The following ST8SIA1 variants were observed in gnomAD, a reference collection of about 807,000 sequenced individuals.
ST8SIA1 encodes alpha-N-acetylneuraminide alpha-2,8-sialyltransferase.
A neutral mutation model predicts 35.9 loss-of-function variants in ST8SIA1; 16 were observed. The ratio of observed to expected loss-of-function variants is 0.45; its 90% CI spans 0.30 to 0.68. ST8SIA1 has a LOEUF of 0.68. Ranked by LOEUF, ST8SIA1 falls within the 30% of genes least tolerant of loss-of-function variation. The pLI is 0.09. For missense variants in ST8SIA1, 383 were observed against 453.6 expected, an observed-to-expected ratio of 0.84 and a Z score of 1.41; for synonymous variants, 170 against 169.6, an observed-to-expected ratio of 1.00 and a Z score of -0.02.
At chr12:22,208,688 A>G (rs1328605231) in intron 4 of ST8SIA1, among the ~76,000 whole-genome samples, 1 of 152,150 alleles carries the variant, frequency 6.6e-6, no homozygotes, top group Non-Finnish European at 1.5e-5. Flanking sequence ...ATTTTGGACA[A>G]AAGAATAACA....
chr12:22,201,590 C>A lies in ST8SIA1; in HGVS notation c.1033G>T (p.Asp345Tyr). The change falls in exon 5 of 5, where the codon GAC becomes TAC. Residue 345 changes from aspartate to tyrosine, a missense_variant. By Grantham distance (160) the Asp-to-Tyr change is radical. Coordinates refer to ENST00000396037, the MANE Select transcript of ST8SIA1 (RefSeq NM_003034.4). ...HKIGALRMQL[D>Y]PCEDTSLQPT... is the part of the protein sequence containing the mutation. ...TGGAGTGAGGTATCTTCACATGGGT[C>A]CAGCTGCATTCTCAGTGCACCGATT... 6.2e-7 allele frequency: 1 copy of A among 1,613,240 alleles called. No individual in the cohort carries two copies. The highest frequency in any genetic ancestry group is 8.5e-7 in the Non-Finnish European group (1 of 1,179,602).
Position 22,201,636 on chromosome 12 carries a change from G to C in ST8SIA1, c.987C>G (p.Leu329=), listed in dbSNP as rs113763889. 1.8e-5 allele frequency: 29 copies of C among 1,613,988 alleles called. No homozygotes were observed. In the African/African-American group the frequency reaches 1.9e-4, roughly 10 times the overall value. Residue 329 remains leucine, a synonymous_variant, in exon 5 of 5, where the codon CTC becomes CTG. Coordinates refer to ENST00000396037, the MANE Select transcript of ST8SIA1 (RefSeq NM_003034.4). ...SGFHAMPEEF[L]QLWYLHKIGA... ...CGATTTTATGAAGATACCAGAGTTG[G>C]AGAAATTCCTCGGGCATGGCATGGA... is the stretch of plus-strand genomic sequence containing the variant.
chr12:22,239,659 G>A (rs148568296), intron 4 of ST8SIA1, among the ~76,000 whole-genome samples: 2,036 of 152,202 alleles, frequency 0.013, 17 homozygotes, highest in Non-Finnish European at 0.019. Flanking sequence ...CTTTTTGTTT[G>A]ATTTTTGTCT....
chr12:22,214,139 G>A (rs722248), intron 4 of ST8SIA1, among the ~76,000 whole-genome samples: 35,829 of 151,940 alleles, frequency 0.24, 5,067 homozygotes, highest in East Asian at 0.48. Flanking sequence ...ACAAATTATC[G>A]CACTTAAATG....
At chr12:22,331,067 C>T (rs1179027359) in intron 1 of ST8SIA1, among the ~76,000 whole-genome samples, 3 of 152,192 alleles carry the variant, frequency 2.0e-5, no homozygotes, top group Non-Finnish European at 4.4e-5. Context: ...CGCAGTTTGA[C>T]AAGGTTCTTC....
intron 4 of ST8SIA1, among the ~76,000 whole-genome samples, chr12:22,245,938 C>T (rs1473379532): frequency 6.6e-6 from 1 of 152,162 alleles, no homozygotes; most frequent in Non-Finnish European, 1.5e-5. Context: ...GGTGGTGTGC[C>T]CAGGGAGGGC....
chr12:22,305,473 C>T (rs12372480), intron 1 of ST8SIA1, among the ~76,000 whole-genome samples: 12,860 of 151,462 alleles, frequency 0.085, 721 homozygotes, highest in Non-Finnish European at 0.13. Context: ...CTCCACTTCC[C>T]GGCTTCAAGC....
chr12:22,293,739 A>T (rs1866209564), intron 1 of ST8SIA1, among the ~76,000 whole-genome samples: 1 of 152,176 alleles, frequency 6.6e-6, no homozygotes, highest in South Asian at 2.1e-4. Context: ...TCAGTTTATA[A>T]ATTTTTTCTG....
intron 1 of ST8SIA1, among the ~76,000 whole-genome samples, chr12:22,309,226 C>G (rs1866420355): frequency 6.6e-6 from 1 of 152,126 alleles, no homozygotes; most frequent in African/African-American, 2.4e-5. Context: ...GACCTCCTCC[C>G]TCGCTAACTA....
chr12:22,219,967 G>A (rs1415036173), intron 4 of ST8SIA1, among the ~76,000 whole-genome samples: 1 of 152,144 alleles, frequency 6.6e-6, no homozygotes, highest in African/African-American at 2.4e-5. Context: ...GAGTACCAGA[G>A]TATCATAACA....
chr12:22,291,370 C>T (rs909237193), intron 1 of ST8SIA1, among the ~76,000 whole-genome samples: 4 of 152,154 alleles, frequency 2.6e-5, no homozygotes, highest in African/African-American at 9.7e-5. Flanking sequence ...GTGTCCCTTC[C>T]AAGAGATGAC....
intron 4 of ST8SIA1, among the ~76,000 whole-genome samples, chr12:22,245,925 G>C (rs917083958): frequency 2.6e-5 from 4 of 152,204 alleles, no homozygotes; most frequent in African/African-American, 9.7e-5. Context: ...GAGGTTTCTG[G>C]GGGGTGGTGT....
In ST8SIA1 at chr12:22,193,801, C is replaced by A. The variant is rs1398790346; in HGVS notation, c.*7751G>T. 6.6e-6 allele frequency: 1 copy of A among 152,146 alleles called. No homozygotes were observed. The highest frequency in any genetic ancestry group is 6.5e-5 in the Admixed American group (1 of 15,274). The allele number at this position is 152,146 out of a possible 1,614,324, so 9.4% of individuals were successfully genotyped here. ...GGTGATTTCAATTTTATAGTTTAATCTAAAATTTTTCCCAGAATTATTATA... is the reference window on the plus strand; with the variant it reads ...GGTGATTTCAATTTTATAGTTTAATATAAAATTTTTCCCAGAATTATTATA... On this transcript the variant is annotated 3_prime_UTR_variant, in exon 5 of 5. Coordinates refer to ENST00000396037, the MANE Select transcript of ST8SIA1 (RefSeq NM_003034.4).
intron 2 of ST8SIA1, among the ~76,000 whole-genome samples, chr12:22,280,342 G>A (rs1202740864): frequency 6.6e-6 from 1 of 152,066 alleles, no homozygotes; most frequent in South Asian, 2.1e-4. Context: ...CTCCTGCAGG[G>A]AAACACCCTG....
At chr12:22,222,901 T>C (rs1430656374) in intron 4 of ST8SIA1, among the ~76,000 whole-genome samples, 1 of 152,142 alleles carries the variant, frequency 6.6e-6, no homozygotes, top group African/African-American at 2.4e-5. Flanking sequence ...CTACCTCTAG[T>C]ATTTCATCAG....
chr12:22,248,726 A>C (rs1865631996), intron 4 of ST8SIA1: 1 of 300,788 alleles, frequency 3.3e-6, no homozygotes, highest in African/African-American at 2.2e-5. Context: ...AGTAATGAGT[A>C]AACAGAGTAT....
At chr12:22,208,149 A>AG (rs963192408) in intron 4 of ST8SIA1, among the ~76,000 whole-genome samples, 20 of 151,784 alleles carry the variant, frequency 1.3e-4, no homozygotes, top group African/African-American at 4.8e-4. Flanking sequence ...AAAAAAAAAA[A>AG]AAAGAAGCAA....
At chr12:22,205,542 G>C (rs1037485361) in intron 4 of ST8SIA1, among the ~76,000 whole-genome samples, 25 of 152,068 alleles carry the variant, frequency 1.6e-4, no homozygotes, top group African/African-American at 5.8e-4. Context: ...GAGATAGTTA[G>C]CTAACAATTT....
chr12:22,222,613 C>CATAT (rs754270561), intron 4 of ST8SIA1, among the ~76,000 whole-genome samples: 2 of 149,720 alleles, frequency 1.3e-5, no homozygotes, highest in African/African-American at 4.9e-5. Flanking sequence ...AGAAAAAGAC[C>CATAT]ATATATATAT....
Sources: allele counts gnomAD v4.1 joint callset (sites outside exome capture counted in the v4.1 genomes callset), GRCh38; gene constraint gnomAD v4.1.1; transcripts MANE v1.5; gene names NCBI Gene and HGNC (gene_info 2026-07-23, HGNC 2026-07-21).